The following RSAD2 variants were observed in gnomAD, a reference collection of about 807,000 sequenced individuals.
RSAD2 encodes the protein radical S-adenosyl methionine domain containing 2.
Under a neutral mutation model 37.7 loss-of-function variants are expected in RSAD2, and 38 were observed. The ratio of observed to expected loss-of-function variants is 1.01; its 90% CI spans 0.78 to 1.32. RSAD2 has a LOEUF of 1.32. Among genes scored for constraint, RSAD2 ranks in the 40% most tolerant of loss-of-function variants. The pLI is 0.00. For synonymous variants in RSAD2, 163 were observed against 157.4 expected, an observed-to-expected ratio of 1.04 and a Z score of -0.27; for missense variants, 428 against 437.5, an observed-to-expected ratio of 0.98 and a Z score of 0.19.
At chr2:6,885,363 C>A (rs1663497327) in intron 2 of RSAD2, among the ~76,000 whole-genome samples, 1 of 152,202 alleles carries the variant, frequency 6.6e-6, no homozygotes, top group Non-Finnish European at 1.5e-5. Context: ...GCTATTGGAA[C>A]TGAAACTCAG....
chr2:6,875,174 G>A (rs1663261543), upstream of RSAD2, among the ~76,000 whole-genome samples: 2 of 152,124 alleles, frequency 1.3e-5, no homozygotes, highest in Non-Finnish European at 2.9e-5. Flanking sequence ...CCTACTTTAG[G>A]TTAAAGCCCT....
intron 1 of RSAD2, among the ~76,000 whole-genome samples, chr2:6,869,935 G>A (rs963496293): frequency 2.6e-5 from 4 of 152,200 alleles, no homozygotes; most frequent in Admixed American, 2.6e-4. Context: ...GGCTTGAAGA[G>A]CTCTCCTGGG....
chr2:6,886,829 T>A, intron 2 of RSAD2, 106 bp from the exon 3 acceptor site: 1 of 788,590 alleles, frequency 1.3e-6, no homozygotes, highest in Non-Finnish European at 2.0e-6. Flanking sequence ...AGGAAAAGTG[T>A]CTTTTTAAAA....
In RSAD2 at chr2:6,870,312, G is replaced by C. The variant is rs75414786; in HGVS notation, c.142+4267G>C. The stretch of plus-strand genomic sequence containing the variant: ...ACAAACTCATTTGTGCCTCCAAGAA[G>C]TCCTTGAGCTCAGTTGTCTTAAATA... On this transcript the variant is annotated intron_variant, in intron 1 of 5. Transcript: ENST00000442639. 9.3e-3 allele frequency among the ~76,000 whole-genome samples: 1,421 copies of C among 152,190 alleles called. 10 individuals are homozygous for C. Among genetic ancestry groups the C allele is most frequent in the African/African-American group, 0.033 (1,361 of 41,502 alleles).
At chr2:6,890,394 T>C in intron 4 of RSAD2, 69 bp downstream of exon 4, 1 of 1,525,172 alleles carries the variant, frequency 6.6e-7, no homozygotes. Context: ...GGGAAGTCTC[T>C]CAGCCAAGGA....
At chr2:6,895,737 A>G (rs1663760378) in intron 5 of RSAD2, 41 bp from the exon 6 acceptor site, 4 of 1,566,092 alleles carry the variant, frequency 2.6e-6, no homozygotes, top group Middle Eastern at 1.7e-4. Flanking sequence ...TACAGGATTC[A>G]TCACATGGAA....
chr2:6,881,517 C>T (rs1484869687), intron 1 of RSAD2, among the ~76,000 whole-genome samples: 1 of 152,212 alleles, frequency 6.6e-6, no homozygotes, highest in East Asian at 1.9e-4. Flanking sequence ...TTCAATTCTT[C>T]CACTAAAAAC....
intron 2 of RSAD2, among the ~76,000 whole-genome samples, chr2:6,886,727 A>ATT (rs1663529537): frequency 6.6e-6 from 1 of 152,222 alleles, no homozygotes; most frequent in South Asian, 2.1e-4. Context: ...TCAACTAAGT[A>ATT]TTTGCATCAT....
intron 1 of RSAD2, among the ~76,000 whole-genome samples, chr2:6,880,797 C>T (rs1390379849): frequency 6.6e-6 from 1 of 151,638 alleles, no homozygotes; most frequent in Non-Finnish European, 1.5e-5. Context: ...TTTAAATTCA[C>T]ATTGAAATTT....
In RSAD2 at chr2:6,889,062, C is replaced by T. The variant is rs534055686; in HGVS notation, c.739-1114C>T. The stretch of plus-strand genomic sequence containing the variant: ...AATATTGTTCCCCTTCCAGCTCCTA[C>T]GGCTTGCTTTTCTCCTGCAGAAGCC... On this transcript the variant is annotated intron_variant, in intron 3 of 5. Coordinates refer to ENST00000382040, the MANE Select transcript of RSAD2 (RefSeq NM_080657.5). Among the ~76,000 whole-genome samples, 9 of 152,372 alleles carry T rather than the reference C, an allele frequency of 5.9e-5. No homozygotes were observed. The South Asian group carries it at 6.2e-4, about 11-fold the overall frequency.
upstream of RSAD2, among the ~76,000 whole-genome samples, chr2:6,872,988 A>G (rs550604672): frequency 2.0e-5 from 3 of 152,294 alleles, no homozygotes; most frequent in African/African-American, 7.2e-5. Flanking sequence ...CCTGAGATCT[A>G]TATAATTTTC....
chr2:6,877,528 G>A (rs1663305940), upstream of RSAD2: 5 of 461,944 alleles, frequency 1.1e-5, no homozygotes, highest in East Asian at 2.0e-4. Flanking sequence ...ACTACATCAA[G>A]CTAGAGAGAC....
Position 6,878,151 on chromosome 2 carries a change from G to A in RSAD2, c.346+5G>A. The A allele has an allele frequency of 6.2e-7, 1 of 1,609,962 alleles. No individual in the cohort carries two copies. Among genetic ancestry groups the A allele is most frequent in the Non-Finnish European group, 8.5e-7 (1 of 1,177,872 alleles). On this transcript the variant is annotated splice_donor_5th_base_variant and intron_variant, in intron 1 of 5. Transcript: ENST00000382040. The stretch of plus-strand genomic sequence containing the variant: ...TGCTTTTGCTTAAGGAAGCTGGTGA[G>A]TACATGGTCCTAGACAGAAATCAGG...
Position 6,895,762 on chromosome 2 carries a change from G to C in RSAD2, c.922-16G>C, listed in dbSNP as rs150638137. ...ATCACATGGAAATATACCAGTTTCTGTTATGAATTTTCTAGATGCGCTTTC... is the reference window on the plus strand; with the variant it reads ...ATCACATGGAAATATACCAGTTTCTCTTATGAATTTTCTAGATGCGCTTTC... On this transcript the variant is annotated splice_polypyrimidine_tract_variant and intron_variant, in intron 5 of 5. Transcript: ENST00000382040. The C allele has an allele frequency of 1.9e-6, 3 of 1,607,732 alleles. No individual in the cohort carries two copies. The highest frequency in any genetic ancestry group is 1.7e-4 in the Middle Eastern group (1 of 6,018).
At chr2:6,877,774 A>G, upstream of RSAD2, 3 of 1,579,530 alleles carry the variant, frequency 1.9e-6, no homozygotes, top group Non-Finnish European at 2.6e-6. Context: ...GCATACAGAG[A>G]CTGCTCTGCT....
intron 1 of RSAD2, among the ~76,000 whole-genome samples, chr2:6,879,445 G>T (rs1487659059): frequency 6.6e-6 from 1 of 152,104 alleles, no homozygotes; most frequent in East Asian, 1.9e-4. Context: ...TGTAGACACA[G>T]CCTGTCACAC....
chr2:6,868,018 T>C (rs1663135318), intron 1 of RSAD2, among the ~76,000 whole-genome samples: 1 of 152,210 alleles, frequency 6.6e-6, no homozygotes, highest in Non-Finnish European at 1.5e-5. Context: ...TGACTAAACA[T>C]GCCTGTAGCC....
chr2:6,888,594 AT>A (rs1338722877), intron 3 of RSAD2, among the ~76,000 whole-genome samples: 2 of 151,716 alleles, frequency 1.3e-5, no homozygotes, highest in African/African-American at 2.4e-5. Context: ...ATGTGTAAAT[AT>A]TTTTTCCCCA....
chr2:6,893,487 C>G (rs1445398255), intron 4 of RSAD2, among the ~76,000 whole-genome samples, 184 bp from the exon 5 acceptor site: 1 of 152,190 alleles, frequency 6.6e-6, no homozygotes, highest in Non-Finnish European at 1.5e-5. Flanking sequence ...CTGCTGTGAT[C>G]TGTTGAAAAC....
Sources: allele counts gnomAD v4.1 joint callset (sites outside exome capture counted in the v4.1 genomes callset), GRCh38; gene constraint gnomAD v4.1.1; transcripts MANE v1.5; gene names NCBI Gene and HGNC (gene_info 2026-07-23, HGNC 2026-07-21).